The following PTH2R variants were observed in gnomAD, a reference collection of about 807,000 sequenced individuals.
PTH2R encodes the protein parathyroid hormone 2 receptor.
In PTH2R, 59 loss-of-function variants were observed where a neutral mutation model predicts 60.3. The ratio of observed to expected loss-of-function variants is 0.98; its 90% CI spans 0.79 to 1.22. The LOEUF (loss-of-function observed/expected upper bound fraction) is 1.22, where lower values mean the gene tolerates loss of function less well. Ranked by LOEUF, PTH2R falls within the 50% of genes most tolerant of loss-of-function variation. PTH2R has a pLI of 0.00. For missense variants in PTH2R, 749 were observed against 682.6 expected, an observed-to-expected ratio of 1.10 and a Z score of -1.08; for synonymous variants, 256 against 243.8, an observed-to-expected ratio of 1.05 and a Z score of -0.47.
At chr2:208,463,938 TCC>T (rs1448382312) in intron 9 of PTH2R, among the ~76,000 whole-genome samples, 8 of 152,216 alleles carry the variant, frequency 5.3e-5, no homozygotes, top group African/African-American at 1.9e-4. Flanking sequence ...TCTCCTTGTA[TCC>T]CATAAAACCT....
intron 1 of PTH2R, among the ~76,000 whole-genome samples, chr2:208,379,520 T>C (rs575839192): frequency 6.6e-6 from 1 of 152,234 alleles, no homozygotes; most frequent in East Asian, 1.9e-4. Context: ...GGCGAAGCAA[T>C]GAAACTTAAG....
At chr2:208,401,636 C>T (rs1038755853) in intron 1 of PTH2R, among the ~76,000 whole-genome samples, 2 of 152,068 alleles carry the variant, frequency 1.3e-5, no homozygotes, top group Non-Finnish European at 1.5e-5. Context: ...TTTAGAATCC[C>T]TCCTGTTCTG....
At chr2:208,488,474 A>T (rs1703323119) in intron 10 of PTH2R, among the ~76,000 whole-genome samples, 1 of 152,186 alleles carries the variant, frequency 6.6e-6, no homozygotes, top group East Asian at 1.9e-4. Flanking sequence ...GAAACTTAGG[A>T]CAGAAAAAAG....
At chr2:208,408,765 A>AGAGAGAGAGAGAGAG (rs58469801) in intron 1 of PTH2R, among the ~76,000 whole-genome samples, 17 of 150,866 alleles carry the variant, frequency 1.1e-4, no homozygotes, top group South Asian at 2.1e-4. Context: ...AGAGAGAGAG[A>AGAGAGAGAGAGAGAG]AATAAATAAT....
chr2:208,455,271 A>C (rs1296892054), intron 8 of PTH2R, among the ~76,000 whole-genome samples: 1 of 152,180 alleles, frequency 6.6e-6, no homozygotes, highest in Non-Finnish European at 1.5e-5. Context: ...ATATTCTGAG[A>C]TGTGTAACTG....
At chr2:208,406,758 C>G (rs1244525612), upstream of PTH2R, 1 of 307,104 alleles carries the variant, frequency 3.3e-6, no homozygotes, top group East Asian at 5.0e-5. Context: ...GCCCCCTTCC[C>G]GCCGCAGGCG....
At chr2:208,393,410 G>A (rs998453234) in intron 1 of PTH2R, among the ~76,000 whole-genome samples, 1 of 152,138 alleles carries the variant, frequency 6.6e-6, no homozygotes, top group African/African-American at 2.4e-5. Flanking sequence ...TAATTGAAAG[G>A]GTTGGCCCTG....
intron 2 of PTH2R, among the ~76,000 whole-genome samples, chr2:208,432,716 CA>C (rs1162266730): frequency 6.6e-6 from 1 of 152,124 alleles, no homozygotes; most frequent in Non-Finnish European, 1.5e-5. Flanking sequence ...TGAGAGCCCC[CA>C]GCAAACCACT....
At chr2:208,367,424 C>CT (rs141555131) in intron 1 of PTH2R, among the ~76,000 whole-genome samples, 86,436 of 128,984 alleles carry the variant, frequency 0.67, 31,478 homozygotes, top group East Asian at 0.91. Context: ...TTTTCTCTTT[C>CT]TTTTTTTTTT....
chr2:208,406,826 A>G lies in PTH2R; in HGVS notation c.-218A>G. ...GCCAGTCTCTCCGGAAGACAAGACC[A>G]ACCTCGCGCCGCGGCGCAGCAGCAC... On this transcript the variant is annotated 5_prime_UTR_variant, in exon 1 of 13. Coordinates refer to ENST00000272847, the MANE Select transcript of PTH2R (RefSeq NM_005048.4). The G allele has an allele frequency of 2.6e-6, 1 of 382,434 alleles. No individual in the cohort carries two copies. The highest frequency in any genetic ancestry group is 4.6e-6 in the Non-Finnish European group (1 of 215,972). The allele number at this position is 382,434 out of a possible 1,614,324, so 23.7% of individuals were successfully genotyped here.
At chr2:208,381,575 A>T (rs1700915824) in intron 1 of PTH2R, among the ~76,000 whole-genome samples, 1 of 152,098 alleles carries the variant, frequency 6.6e-6, no homozygotes, top group Non-Finnish European at 1.5e-5. Flanking sequence ...GACCTGAGCC[A>T]TGGTGTCCAG....
chr2:208,416,056 A>G (rs1172815829), intron 1 of PTH2R, among the ~76,000 whole-genome samples: 1 of 152,196 alleles, frequency 6.6e-6, no homozygotes, highest in Non-Finnish European at 1.5e-5. Context: ...TTGATGAGTA[A>G]TATCAGTAAC....
At chr2:208,451,562 A>G (rs1404987911) in intron 8 of PTH2R, among the ~76,000 whole-genome samples, 2 of 152,144 alleles carry the variant, frequency 1.3e-5, no homozygotes. Context: ...CAGTTGCCTC[A>G]TGTGTCTTTA....
At chr2:208,383,682 C>T (rs1700954521) in intron 1 of PTH2R, among the ~76,000 whole-genome samples, 1 of 152,196 alleles carries the variant, frequency 6.6e-6, no homozygotes, top group Non-Finnish European at 1.5e-5. Flanking sequence ...TAAAGTAATG[C>T]ATGAGGTACA....
intron 1 of PTH2R, among the ~76,000 whole-genome samples, chr2:208,361,984 A>G (rs941483559): frequency 6.6e-6 from 1 of 152,202 alleles, no homozygotes; most frequent in African/African-American, 2.4e-5. Context: ...GGCAGGCTGA[A>G]TAATGAAGAT....
At chr2:208,453,095 T>C (rs921482299) in intron 8 of PTH2R, among the ~76,000 whole-genome samples, 18 of 152,260 alleles carry the variant, frequency 1.2e-4, no homozygotes, top group African/African-American at 4.1e-4. Context: ...CACTAGACAG[T>C]TTTTCTCTTA....
intron 1 of PTH2R, among the ~76,000 whole-genome samples, chr2:208,373,173 A>G (rs1243594093): frequency 6.6e-6 from 1 of 152,188 alleles, no homozygotes; most frequent in Non-Finnish European, 1.5e-5. Flanking sequence ...AAAAATAAGT[A>G]GAGAGCTAAG....
chr2:208,443,383 A>G lies in PTH2R; in HGVS notation c.545A>G (p.His182Arg). Residue 182 changes from histidine to arginine, a missense_variant, in exon 6 of 13, where the codon CAC becomes CGC. Transcript: ENST00000272847. Reference protein sequence around the residue: ...LHCTRNYIHMHLFVSFMLRAT... With the variant: ...LHCTRNYIHMRLFVSFMLRAT... Reference sequence around the variant, plus strand: ...TGCACTAGGAACTATATCCACATGCACTTATTTGTGTCTTTCATGCTGAGA... The same window carrying G: ...TGCACTAGGAACTATATCCACATGCGCTTATTTGTGTCTTTCATGCTGAGA... The G allele has an allele frequency of 6.2e-7, 1 of 1,608,120 alleles. No homozygotes were observed. The highest frequency in any genetic ancestry group is 2.2e-5 in the East Asian group (1 of 44,590).
upstream of PTH2R, among the ~76,000 whole-genome samples, chr2:208,406,039 G>A (rs991227802): frequency 3.3e-5 from 5 of 152,202 alleles, no homozygotes; most frequent in East Asian, 9.6e-4. Context: ...GATTAAAGGA[G>A]GTTCTCGCAT....
Sources: gnomAD v4.1 joint callset for allele counts (sites outside exome capture counted in the v4.1 genomes callset) on GRCh38, gnomAD v4.1.1 for gene constraint, MANE v1.5 for transcripts, NCBI Gene and HGNC (gene_info 2026-07-23, HGNC 2026-07-21) for gene names.